Variants in TNRC18 observed in about 807,000 individuals in gnomAD.
TNRC18 encodes trinucleotide repeat-containing gene 18 protein.
A neutral mutation model predicts 226.7 loss-of-function variants in TNRC18; 69 were observed. The ratio of observed to expected loss-of-function variants is 0.30; its 90% CI spans 0.25 to 0.37. The LOEUF (loss-of-function observed/expected upper bound fraction) is 0.37. TNRC18 is among the 10% of genes least tolerant of loss of function. The pLI is 1.00. For missense variants in TNRC18, 4,754 were observed against 4,256.6 expected, an observed-to-expected ratio of 1.12 and a Z score of -3.25; for synonymous variants, 2,449 against 1,927.6, an observed-to-expected ratio of 1.27 and a Z score of -7.09.
At chr7:5,348,067 G>C (rs1791389076) in intron 17 of TNRC18, among the ~76,000 whole-genome samples, 1 of 152,236 alleles carries the variant, frequency 6.6e-6, no homozygotes, top group Non-Finnish European at 1.5e-5. Flanking sequence ...CTGCCTGAGA[G>C]TCTGCAGTCC....
chr7:5,405,554 G>C (rs1781408086), intron 2 of TNRC18, among the ~76,000 whole-genome samples: 1 of 152,054 alleles, frequency 6.6e-6, no homozygotes, highest in Admixed American at 6.6e-5. Flanking sequence ...GGGTGACAGA[G>C]CAAGACTCCG....
At chr7:5,400,639 C>T (rs1781020043) in intron 2 of TNRC18, among the ~76,000 whole-genome samples, 2 of 151,992 alleles carry the variant, frequency 1.3e-5, no homozygotes, top group East Asian at 3.9e-4. Context: ...ATTTTGAAAC[C>T]ATAGATAGCT....
chr7:5,324,963 C>T lies in TNRC18; in HGVS notation c.6300+133G>A, dbSNP rs961049014. 44 of 1,075,364 alleles carry T rather than the reference C, an allele frequency of 4.1e-5. No homozygotes were observed. The highest frequency in any genetic ancestry group is 1.5e-4 in the African/African-American group (9 of 61,898). The allele number at this position is 1,075,364 out of a possible 1,614,324, so 66.6% of individuals were successfully genotyped here. A position where few individuals can be genotyped will look rare whatever the true frequency, so the allele number is the denominator to read the frequency against. ...AGTGTGGGGACGGCCACATCACCCT[C>T]GTCACCCGCAACCTCTCTGAGCCAC... On this transcript the variant is annotated intron_variant, in intron 20 of 29. Coordinates refer to ENST00000430969, the MANE Select transcript of TNRC18 (RefSeq NM_001080495.3). The surrounding 1 kb of genome is among the most constrained non-coding windows in gnomAD (Gnocchi z 4.8).
rs149219569 is a variant in TNRC18 at position 5,335,656 on chromosome 7, C to T, written c.5720-2607G>A. Among the ~76,000 whole-genome samples, 354 of 151,088 alleles carry T rather than the reference C, an allele frequency of 2.3e-3. 3 individuals carry two copies. Among genetic ancestry groups the T allele is most frequent in the African/African-American group, 8.3e-3 (340 of 41,138 alleles). The stretch of plus-strand genomic sequence containing the variant: ...GGAGCCAGAGAGAGGTCCCCATGCT[C>T]TCTCTCTCCCCAGTGTCTCTAAATG... On this transcript the variant is annotated intron_variant, in intron 18 of 29. Transcript: ENST00000430969.
Position 5,312,941 on chromosome 7 carries a change from G to A in TNRC18, c.7950C>T (p.Ser2650=). The part of the protein sequence containing the change: ...SSSSSSSSSS[S]SSSSSSSSSS... ...ATGAGGACGAGGAAGAGGAGGAGGA[G>A]GAAGAGGAGGAAGACGAAGAGGAAG... is the stretch of plus-strand genomic sequence containing the variant. Residue 2650 remains serine (S), a synonymous_variant, in exon 27 of 30, where the codon TCC becomes TCT. Transcript: ENST00000430969. The surrounding 1 kb of genome is among the most constrained non-coding windows in gnomAD (Gnocchi z 6.3). The A allele has an allele frequency of 1.5e-6, 2 of 1,369,894 alleles. No individual in the cohort carries two copies. The highest frequency in any genetic ancestry group is 2.0e-6 in the Non-Finnish European group (2 of 999,482). 84.9% of individuals were successfully genotyped at this position (1,369,894 alleles called of 1,614,324 possible). A position where few individuals can be genotyped will look rare whatever the true frequency, so the allele number is the denominator to read the frequency against.
At position 5,389,286 on chromosome 7, in the gene TNRC18, C is replaced by T; in HGVS notation, c.538G>A (p.Ala180Thr). ...AGAPGSLHSHAPSARTPGGGH... is the reference protein window; with the variant it reads ...AGAPGSLHSHTPSARTPGGGH... The stretch of plus-strand genomic sequence containing the variant: ...CCGCCAGGGGTCCGGGCCGAGGGCG[C>T]GTGAGAGTGCAGGGAGCCCGGAGCC... Residue 180 changes from alanine to threonine, a missense_variant, in exon 5 of 30, where the codon GCG (alanine) becomes ACG (threonine). Coordinates refer to ENST00000430969, the MANE Select transcript of TNRC18 (RefSeq NM_001080495.3). 2.3e-6 allele frequency: 3 copies of T among 1,289,298 alleles called. No homozygotes were observed. Among genetic ancestry groups the T allele is most frequent in the Non-Finnish European group, 2.0e-6 (2 of 1,019,716 alleles). The allele number at this position is 1,289,298 out of a possible 1,614,324, so 79.9% of individuals were successfully genotyped here. A position where few individuals can be genotyped will look rare whatever the true frequency, so the allele number is the denominator to read the frequency against.
chr7:5,309,081 T>C lies in TNRC18; in HGVS notation c.8625+51A>G. The C allele has an allele frequency of 2.6e-6, 4 of 1,535,090 alleles. No individual in the cohort carries two copies. The highest frequency in any genetic ancestry group is 1.4e-5 in the African/African-American group (1 of 72,874). On this transcript the variant is annotated intron_variant, in intron 28 of 29. Coordinates refer to ENST00000430969, the MANE Select transcript of TNRC18 (RefSeq NM_001080495.3). This position sits in a 1 kb window ranked among gnomAD's most constrained non-coding sequence, Gnocchi z 5.7. ...GCACCCAGAACGCCTCGCCCTCAGG[T>C]CTGCCCTACACCGCCTAGGACTGGG...
chr7:5,360,811 C>T (rs992176677), intron 14 of TNRC18, among the ~76,000 whole-genome samples: 1 of 152,160 alleles, frequency 6.6e-6, no homozygotes, highest in African/African-American at 2.4e-5. Flanking sequence ...GACATGGGGG[C>T]CTTGGGGCTG....
At chr7:5,362,163 C>G (rs1793123096) in intron 12 of TNRC18, 130 bp from the exon 13 acceptor site, 6 of 1,131,824 alleles carry the variant, frequency 5.3e-6, no homozygotes, top group Non-Finnish European at 7.5e-6. Flanking sequence ...CCCACCGCTG[C>G]CACCTCCTGA....
chr7:5,360,587 C>G (rs79935638), intron 14 of TNRC18, among the ~76,000 whole-genome samples: 14,271 of 152,032 alleles, frequency 0.094, 834 homozygotes, highest in South Asian at 0.14. Flanking sequence ...ACACCTGGCC[C>G]GAGGTCGGTC....
chr7:5,346,045 G>A (rs1051968660), intron 17 of TNRC18, among the ~76,000 whole-genome samples: 6 of 152,266 alleles, frequency 3.9e-5, no homozygotes, highest in Non-Finnish European at 7.3e-5. Context: ...GGTGGGCAGC[G>A]GCCTTGTGTG....
intron 2 of TNRC18, among the ~76,000 whole-genome samples, chr7:5,402,197 AAAAAG>A (rs1257037674): frequency 6.6e-6 from 1 of 150,434 alleles, no homozygotes; most frequent in Non-Finnish European, 1.5e-5. Flanking sequence ...AAAAAAAAAA[AAAAAG>A]AACAGCCTGG....
In TNRC18 at chr7:5,389,354, G is replaced by A. The variant is rs1241149615; in HGVS notation, c.488-18C>T. The A allele has an allele frequency of 7.9e-7, 1 of 1,258,656 alleles. No individual in the cohort carries two copies. Among genetic ancestry groups the A allele is most frequent in the Non-Finnish European group, 1.0e-6 (1 of 1,002,538 alleles). The allele number at this position is 1,258,656 out of a possible 1,614,324, so 78.0% of individuals were successfully genotyped here. A position where few individuals can be genotyped will look rare whatever the true frequency, so the allele number is the denominator to read the frequency against. On this transcript the variant is annotated intron_variant, in intron 4 of 29. Transcript: ENST00000430969. ...GAAACCGTCTGCGGAGAAGGGAACA[G>A]CAGGCAGTGAGCGAGCGCCACCTCC...
chr7:5,375,970 C>T, intron 9 of TNRC18, 64 bp downstream of exon 9: 1 of 1,459,588 alleles, frequency 6.9e-7, no homozygotes, highest in Non-Finnish European at 9.2e-7. Context: ...TGCTGGCTGA[C>T]TCGTCTGCCT....
Position 5,352,066 on chromosome 7 carries a change from G to T in TNRC18, c.5223C>A (p.Phe1741Leu). ...YNTDSEEDEEFLKDEWPAQGP... is the reference protein window; with the variant it reads ...YNTDSEEDEELLKDEWPAQGP... ...CTTGGGCGGGCCACTCGTCCTTCAG[G>T]AATTCTTCGTCTTCCTCTGAGTCCG... Residue 1741 changes from phenylalanine (F) to leucine (L), a missense_variant, in exon 17 of 30, where the codon TTC becomes TTA. Phe to Leu is a conservative substitution (Grantham distance 22). Coordinates refer to ENST00000430969, the MANE Select transcript of TNRC18 (RefSeq NM_001080495.3). 6.2e-7 allele frequency: 1 copy of T among 1,610,746 alleles called. No individual in the cohort carries two copies. Among genetic ancestry groups the T allele is most frequent in the South Asian group, 1.1e-5 (1 of 90,636 alleles).
At position 5,324,959 on chromosome 7, in the gene TNRC18, C is replaced by T; in HGVS notation, c.6300+137G>A. On this transcript the variant is annotated intron_variant, in intron 20 of 29. Coordinates refer to ENST00000430969, the MANE Select transcript of TNRC18 (RefSeq NM_001080495.3). This position sits in a 1 kb window ranked among gnomAD's most constrained non-coding sequence, Gnocchi z 4.8. ...CTGGAGTGTGGGGACGGCCACATCA[C>T]CCTCGTCACCCGCAACCTCTCTGAG... 1 of 1,031,934 alleles carries T rather than the reference C, an allele frequency of 9.7e-7. No homozygotes were observed. The highest frequency in any genetic ancestry group is 1.4e-6 in the Non-Finnish European group (1 of 730,276). The allele number at this position is 1,031,934 out of a possible 1,614,324, so 63.9% of individuals were successfully genotyped here.
At chr7:5,308,632 G>T (rs539130733) in intron 29 of TNRC18, among the ~76,000 whole-genome samples, 67 of 152,196 alleles carry the variant, frequency 4.4e-4, no homozygotes, top group African/African-American at 1.5e-3. Context: ...AGAGTCAGAG[G>T]GCAAGAATGG....
intron 18 of TNRC18, among the ~76,000 whole-genome samples, chr7:5,338,499 A>G (rs1388327266): frequency 6.6e-6 from 1 of 151,826 alleles, no homozygotes; most frequent in Admixed American, 6.6e-5. Context: ...TAATCCCAGC[A>G]CTTTGGGAGG....
intron 19 of TNRC18, among the ~76,000 whole-genome samples, chr7:5,332,327 G>A (rs536708236): frequency 2.0e-5 from 3 of 152,238 alleles, no homozygotes; most frequent in South Asian, 2.1e-4. Flanking sequence ...CAGCTATTTG[G>A]GAGGCTGAGG....
Sources: allele counts gnomAD v4.1 joint callset (sites outside exome capture counted in the v4.1 genomes callset), GRCh38; gene constraint gnomAD v4.1.1; non-coding constraint Gnocchi (gnomAD v3.1); transcripts MANE v1.5; gene names NCBI Gene and HGNC (gene_info 2026-07-23, HGNC 2026-07-21).